The following DPYD variants were observed in gnomAD, a reference collection of about 807,000 sequenced individuals.
DPYD encodes the protein dihydropyrimidine dehydrogenase, also known as dihydropyrimidine dehydrogenase [NADP(+)].
DPYD carries 109 observed loss-of-function variants against 116.2 expected under a neutral mutation model. The ratio of observed to expected loss-of-function variants is 0.94; its 90% CI spans 0.80 to 1.10. The LOEUF is 1.10. Among genes scored for constraint, DPYD ranks in the 50% least tolerant of loss-of-function variants. The probability of loss-of-function intolerance (pLI) is 0.00; values close to 1 mark genes in which losing one functional copy is unlikely to be tolerated. For synonymous variants in DPYD, 440 were observed against 432.0 expected (o/e 1.02, Z -0.23); for missense variants, 1,302 against 1,254.5 (o/e 1.04, Z -0.57).
At chr1:97,584,702 A>G (rs1311336460) in intron 10 of DPYD, among the ~76,000 whole-genome samples, 3 of 151,030 alleles carry the variant, frequency 2.0e-5, no homozygotes, top group Admixed American at 2.0e-4. Context: ...CGCAACGACA[A>G]AAAGCCAAAC....
At chr1:97,561,745 C>T (rs1192718746) in intron 11 of DPYD, among the ~76,000 whole-genome samples, 1 of 152,142 alleles carries the variant, frequency 6.6e-6, no homozygotes. Context: ...TTCGCATATA[C>T]CTTATAATCT....
At chr1:97,230,825 G>A (rs576587036) in intron 19 of DPYD, among the ~76,000 whole-genome samples, 1 of 152,210 alleles carries the variant, frequency 6.6e-6, no homozygotes, top group East Asian at 1.9e-4. Context: ...TTCTGAAGAA[G>A]AAATCACATG....
At chr1:97,113,369 A>T (rs1219579578) in intron 20 of DPYD, among the ~76,000 whole-genome samples, 1 of 152,084 alleles carries the variant, frequency 6.6e-6, no homozygotes, top group Non-Finnish European at 1.5e-5. Flanking sequence ...AAGGTAAGAA[A>T]AGGTAATAAA....
chr1:97,447,007 A>G (rs1178799856), intron 14 of DPYD, among the ~76,000 whole-genome samples: 2 of 152,106 alleles, frequency 1.3e-5, no homozygotes, highest in Non-Finnish European at 2.9e-5. Flanking sequence ...CTTTGGTATA[A>G]CTGTGACAAT....
intron 13 of DPYD, among the ~76,000 whole-genome samples, chr1:97,459,405 G>A (rs149292855): frequency 1.3e-5 from 2 of 152,206 alleles, no homozygotes; most frequent in African/African-American, 4.8e-5. Flanking sequence ...TAATAGAATT[G>A]ATGAAGGACA....
intron 16 of DPYD, among the ~76,000 whole-genome samples, chr1:97,332,983 A>T (rs908564945): frequency 1.3e-5 from 2 of 152,016 alleles, no homozygotes; most frequent in Non-Finnish European, 2.9e-5. Context: ...CTGTAGTCTC[A>T]ACTCTTTTTT....
intron 18 of DPYD, among the ~76,000 whole-genome samples, chr1:97,269,892 G>T: frequency 6.6e-6 from 1 of 152,216 alleles, no homozygotes; most frequent in East Asian, 1.9e-4. Context: ...AGTACACAGC[G>T]CTCAATATCT....
At chr1:97,709,989 ATTG>A (rs2100998918) in intron 5 of DPYD, among the ~76,000 whole-genome samples, 1 of 151,944 alleles carries the variant, frequency 6.6e-6, no homozygotes, top group East Asian at 1.9e-4. Context: ...TGAAGGATGA[ATTG>A]TAACAGTATG....
chr1:97,252,597 G>C (rs1173618548), intron 18 of DPYD, among the ~76,000 whole-genome samples: 1 of 152,122 alleles, frequency 6.6e-6, no homozygotes, highest in Admixed American at 6.5e-5. Flanking sequence ...CAGAGCTAGA[G>C]CATGGTTTCC....
chr1:97,088,782 C>T (rs1649699815), intron 21 of DPYD, among the ~76,000 whole-genome samples: 1 of 152,082 alleles, frequency 6.6e-6, no homozygotes, highest in African/African-American at 2.4e-5. Flanking sequence ...TCTACAAATC[C>T]CCATAAGACT....
chr1:97,297,947 C>T (rs1666630512), intron 18 of DPYD, among the ~76,000 whole-genome samples: 1 of 152,228 alleles, frequency 6.6e-6, no homozygotes, highest in African/African-American at 2.4e-5. Context: ...ACAATGGTTT[C>T]CACTCAACAT....
chr1:97,794,375 C>CA (rs142175824), intron 3 of DPYD, among the ~76,000 whole-genome samples: 3,742 of 151,368 alleles, frequency 0.025, 165 homozygotes, highest in African/African-American at 0.087. Context: ...ACAAGCCGAC[C>CA]AAAAAAAATA....
chr1:97,372,756 G>T (rs1031982349), intron 16 of DPYD, among the ~76,000 whole-genome samples: 1 of 151,572 alleles, frequency 6.6e-6, no homozygotes, highest in African/African-American at 2.4e-5. Context: ...AAAAAAAAAA[G>T]GTGGGGACCT....
At chr1:97,341,230 G>T (rs941921287) in intron 16 of DPYD, among the ~76,000 whole-genome samples, 1 of 152,084 alleles carries the variant, frequency 6.6e-6, no homozygotes, top group African/African-American at 2.4e-5. Flanking sequence ...TTAACACAGG[G>T]TTCTCTCTTT....
intron 14 of DPYD, among the ~76,000 whole-genome samples, chr1:97,445,226 A>G (rs929901855): frequency 2.0e-5 from 3 of 152,212 alleles, no homozygotes; most frequent in Non-Finnish European, 2.9e-5. Context: ...TCTCCTAATA[A>G]GGGACTACAA....
At chr1:97,202,879 G>A (rs1659308341) in intron 19 of DPYD, among the ~76,000 whole-genome samples, 1 of 152,150 alleles carries the variant, frequency 6.6e-6, no homozygotes. Flanking sequence ...AAATGGGTGA[G>A]ACAGGTACAA....
chr1:97,782,342 C>T (rs746011292), intron 3 of DPYD, among the ~76,000 whole-genome samples: 3 of 152,188 alleles, frequency 2.0e-5, no homozygotes, highest in Non-Finnish European at 4.4e-5. Flanking sequence ...CCCACTATCC[C>T]ATTTTCTTCT....
At chr1:97,397,504 T>C (rs1673080841) in intron 14 of DPYD, among the ~76,000 whole-genome samples, 1 of 152,052 alleles carries the variant, frequency 6.6e-6, no homozygotes, top group African/African-American at 2.4e-5. Context: ...AAATTTTCTG[T>C]GCTCCACCTA....
At chr1:97,345,616 G>A (rs1669802261) in intron 16 of DPYD, among the ~76,000 whole-genome samples, 1 of 151,918 alleles carries the variant, frequency 6.6e-6, no homozygotes, top group Non-Finnish European at 1.5e-5. Flanking sequence ...TTGACAGGTA[G>A]AAAACAGCAG....
Sources: allele counts gnomAD v4.1 joint callset (sites outside exome capture counted in the v4.1 genomes callset), GRCh38; gene constraint gnomAD v4.1.1; transcripts MANE v1.5; gene names NCBI Gene and HGNC (gene_info 2026-07-23, HGNC 2026-07-21).